Variants in CSMD1 observed in about 807,000 individuals in gnomAD.
CSMD1 encodes the protein CUB and Sushi multiple domains 1.
CSMD1 carries 213 observed loss-of-function variants against 417.5 expected under a neutral mutation model. The ratio of observed to expected loss-of-function variants is 0.51; its 90% CI spans 0.46 to 0.57. The LOEUF (loss-of-function observed/expected upper bound fraction) is 0.57. Ranked by LOEUF, CSMD1 falls within the 20% of genes least tolerant of loss-of-function variation. The pLI is 0.00. For missense variants in CSMD1, 6,923 were observed against 4,529.7 expected (o/e 1.53, Z -15.17); for synonymous variants, 2,862 against 1,736.8 (o/e 1.65, Z -16.11).
intron 26 of CSMD1, among the ~76,000 whole-genome samples, chr8:3,248,164 G>T (rs1210329179): frequency 6.6e-6 from 1 of 152,032 alleles, no homozygotes; most frequent in Non-Finnish European, 1.5e-5. Context: ...GTAGCGGTGT[G>T]ACAAACAGAA....
intron 1 of CSMD1, among the ~76,000 whole-genome samples, chr8:4,749,389 G>T (rs1274893289): frequency 6.6e-6 from 1 of 152,216 alleles, no homozygotes; most frequent in African/African-American, 2.4e-5. Flanking sequence ...GTCCTTGATA[G>T]TGTAAACACT....
intron 3 of CSMD1, among the ~76,000 whole-genome samples, chr8:4,242,024 T>A (rs781550386): frequency 2.6e-5 from 4 of 152,232 alleles, no homozygotes; most frequent in Non-Finnish European, 5.9e-5. Flanking sequence ...TGCCCCTTGT[T>A]TTAATACCTT....
chr8:4,551,200 A>G (rs1797855573), intron 2 of CSMD1, among the ~76,000 whole-genome samples: 1 of 152,164 alleles, frequency 6.6e-6, no homozygotes, highest in African/African-American at 2.4e-5. Context: ...AATGTCCACC[A>G]GCTCCACCAA....
chr8:4,013,486 C>G (rs1445741812), intron 4 of CSMD1, among the ~76,000 whole-genome samples: 1 of 152,062 alleles, frequency 6.6e-6, no homozygotes, highest in Non-Finnish European at 1.5e-5. Flanking sequence ...GTGATAAGAC[C>G]AGGAGAGTCC....
intron 5 of CSMD1, among the ~76,000 whole-genome samples, chr8:3,783,489 G>C (rs560459181): frequency 6.6e-6 from 1 of 152,302 alleles, no homozygotes; most frequent in African/African-American, 2.4e-5. Flanking sequence ...CGGCCCTGCA[G>C]TGCTGAGGAG....
chr8:4,403,837 G>T (rs183314299), intron 3 of CSMD1, among the ~76,000 whole-genome samples: 10 of 152,028 alleles, frequency 6.6e-5, no homozygotes, highest in Admixed American at 1.3e-4. Flanking sequence ...CTGCCATTGG[G>T]TGTCTGATTG....
chr8:3,363,989 C>T (rs1443587214), intron 20 of CSMD1, among the ~76,000 whole-genome samples: 2 of 152,110 alleles, frequency 1.3e-5, no homozygotes, highest in Admixed American at 1.3e-4. Context: ...GAAACACAAT[C>T]AGGAAACACT....
chr8:3,755,571 C>G (rs1361158590), intron 5 of CSMD1, among the ~76,000 whole-genome samples: 1 of 151,890 alleles, frequency 6.6e-6, no homozygotes, highest in African/African-American at 2.4e-5. Flanking sequence ...AAGCTGAGGA[C>G]CTGATTTCTA....
At position 3,324,781 on chromosome 8, in the gene CSMD1, C is replaced by T. The variant is rs139381750; in HGVS notation, c.3632-16278G>A. Among the ~76,000 whole-genome samples the T allele has an allele frequency of 3.1e-3, 473 of 152,308 alleles. 9 individuals are homozygous for T. The highest frequency in any genetic ancestry group is 0.029 in the Admixed American group (450 of 15,296). ...CTTCCATCATTTTTAAAATATCTGACGGTGAGTGTTCAATCTTGGCATTTA... is the reference window on the plus strand; with the variant it reads ...CTTCCATCATTTTTAAAATATCTGATGGTGAGTGTTCAATCTTGGCATTTA... On this transcript the variant is annotated intron_variant, in intron 23 of 69. Transcript: ENST00000635120.
At chr8:3,850,740 A>T (rs2129099756) in intron 5 of CSMD1, among the ~76,000 whole-genome samples, 1 of 152,210 alleles carries the variant, frequency 6.6e-6, no homozygotes, top group South Asian at 2.1e-4. Flanking sequence ...CAATAAAAAA[A>T]TTGAAATTCG....
intron 3 of CSMD1, among the ~76,000 whole-genome samples, chr8:4,282,809 G>A (rs917042017): frequency 6.6e-6 from 1 of 152,012 alleles, no homozygotes; most frequent in Non-Finnish European, 1.5e-5. Context: ...ATGGAGTCGG[G>A]TATATATCAG....
intron 3 of CSMD1, among the ~76,000 whole-genome samples, chr8:4,186,589 A>C (rs1044666012): frequency 2.0e-5 from 3 of 152,202 alleles, no homozygotes; most frequent in Non-Finnish European, 4.4e-5. Context: ...AGCATTGCTA[A>C]TGTCAAATCA....
At chr8:3,402,196 G>C (rs969473737) in intron 15 of CSMD1, among the ~76,000 whole-genome samples, 3 of 152,082 alleles carry the variant, frequency 2.0e-5, no homozygotes, top group Admixed American at 6.6e-5. Context: ...CTCTAGACTT[G>C]AAAGAGAACT....
At chr8:4,347,902 A>G (rs1418683028) in intron 3 of CSMD1, among the ~76,000 whole-genome samples, 5 of 152,164 alleles carry the variant, frequency 3.3e-5, no homozygotes, top group African/African-American at 1.2e-4. Flanking sequence ...AAAAAAATAA[A>G]AAGTTAAATA....
At position 4,965,588 on chromosome 8, in the gene CSMD1, G is replaced by A. The variant is rs148731982; in HGVS notation, c.85+28744C>T. Among the ~76,000 whole-genome samples the A allele has an allele frequency of 1.8e-4, 27 of 152,280 alleles. 1 individual carries two copies. The East Asian group carries it at 5.0e-3, about 28-fold the overall frequency. Reference sequence around the variant, plus strand: ...GTTTTCTGTTTACTTCTTTATAAATGAAAGAACTGGGTTTGTCCCTGAAGT... The same window carrying A: ...GTTTTCTGTTTACTTCTTTATAAATAAAAGAACTGGGTTTGTCCCTGAAGT... On this transcript the variant is annotated intron_variant, in intron 1 of 69. Transcript: ENST00000635120.
intron 54 of CSMD1, among the ~76,000 whole-genome samples, chr8:2,991,440 A>C (rs544285618): frequency 6.6e-6 from 1 of 152,252 alleles, no homozygotes; most frequent in African/African-American, 2.4e-5. Flanking sequence ...TATATTCATC[A>C]AAATGAAACC....
At chr8:4,172,387 T>C (rs1797814367) in intron 3 of CSMD1, among the ~76,000 whole-genome samples, 1 of 152,110 alleles carries the variant, frequency 6.6e-6, no homozygotes, top group Non-Finnish European at 1.5e-5. Context: ...CAAATCCAAA[T>C]CTAAATAGCC....
intron 5 of CSMD1, among the ~76,000 whole-genome samples, chr8:3,877,234 A>G (rs1327883432): frequency 6.6e-6 from 1 of 152,100 alleles, no homozygotes; most frequent in African/African-American, 2.4e-5. Flanking sequence ...GCTTGCTTTG[A>G]GACCTGCCTA....
At chr8:3,868,004 C>T (rs1016201211) in intron 5 of CSMD1, among the ~76,000 whole-genome samples, 1 of 152,136 alleles carries the variant, frequency 6.6e-6, no homozygotes, top group South Asian at 2.1e-4. Flanking sequence ...GGTCACACAC[C>T]TCATCCTTCC....
Sources: gnomAD v4.1 joint callset for allele counts (sites outside exome capture counted in the v4.1 genomes callset) on GRCh38, gnomAD v4.1.1 for gene constraint, MANE v1.5 for transcripts, NCBI Gene and HGNC (gene_info 2026-07-23, HGNC 2026-07-21) for gene names.